Variants in MAGI1 observed in about 807,000 individuals in gnomAD.
The protein encoded by MAGI1 is membrane-associated guanylate kinase, WW and PDZ domain-containing protein 1.
In MAGI1, 58 loss-of-function variants were observed where a neutral mutation model predicts 139.9. That is an observed-to-expected ratio of 0.41 (90% CI 0.34 to 0.52). The LOEUF is 0.52. MAGI1 is among the 20% of genes least tolerant of loss of function. MAGI1 has a pLI of 0.12. For missense variants in MAGI1, 1,874 were observed against 1,901.6 expected (o/e 0.99, Z 0.27); for synonymous variants, 812 against 737.9 (o/e 1.10, Z -1.63).
chr3:65,453,845 C>A (rs1211045742), intron 5 of MAGI1, among the ~76,000 whole-genome samples: 2 of 152,152 alleles, frequency 1.3e-5, no homozygotes, highest in East Asian at 3.9e-4. Context: ...CAATACACAT[C>A]ATTAAATCAC....
intron 1 of MAGI1, among the ~76,000 whole-genome samples, chr3:65,668,410 A>G (rs866093725): frequency 1.3e-5 from 2 of 152,194 alleles, no homozygotes; most frequent in African/African-American, 4.8e-5. Context: ...ATTTATCAGC[A>G]TACCACATAA....
rs201000983 is a variant in MAGI1, at chr3:65,920,721, C to G, written c.313+117275G>C. Among the ~76,000 whole-genome samples, 14 of 152,180 alleles carry G rather than the reference C, an allele frequency of 9.2e-5. No individual in the cohort carries two copies. In the East Asian group the frequency reaches 1.7e-3, roughly 19 times the overall value. ...CCCCCATGGGTTTTAATTTATATGA[C>G]AACATTTACATTTGGTAAGAACAAA... On this transcript the variant is annotated intron_variant, in intron 1 of 22. Coordinates refer to ENST00000402939, the MANE Select transcript of MAGI1 (RefSeq NM_001033057.2).
At chr3:65,705,370 C>A (rs2030018900) in intron 1 of MAGI1, among the ~76,000 whole-genome samples, 1 of 152,152 alleles carries the variant, frequency 6.6e-6, no homozygotes. Flanking sequence ...TACAGAGTAT[C>A]TTAGTAAGCC....
chr3:65,517,634 A>G (rs1380670643), intron 2 of MAGI1, among the ~76,000 whole-genome samples: 5 of 152,196 alleles, frequency 3.3e-5, no homozygotes, highest in African/African-American at 9.7e-5. Context: ...CCCTGGCAGC[A>G]TAAGTTGGTT....
At chr3:65,871,676 G>C (rs1444496150) in intron 1 of MAGI1, among the ~76,000 whole-genome samples, 2 of 152,154 alleles carry the variant, frequency 1.3e-5, no homozygotes, top group African/African-American at 4.8e-5. Flanking sequence ...AATCAGGCTG[G>C]GGGACTTAAA....
intron 1 of MAGI1, among the ~76,000 whole-genome samples, chr3:65,932,046 A>G (rs901016532): frequency 1.3e-5 from 2 of 152,224 alleles, no homozygotes; most frequent in African/African-American, 2.4e-5. Flanking sequence ...AAACACATGG[A>G]AACAGGGGAA....
chr3:65,723,321 T>G lies in MAGI1; in HGVS notation c.314-101233A>C, dbSNP rs541450431. ...CCATAAGCTTATTGAAGAAAAGAGCTACATCACCAAGATGCTTCAATCCTG... is the reference window on the plus strand; with the variant it reads ...CCATAAGCTTATTGAAGAAAAGAGCGACATCACCAAGATGCTTCAATCCTG... On this transcript the variant is annotated intron_variant, in intron 1 of 22. Transcript: ENST00000402939. Among the ~76,000 whole-genome samples, 3 of 152,244 alleles carry G rather than the reference T, an allele frequency of 2.0e-5. No individual in the cohort carries two copies. In the South Asian group the frequency reaches 6.2e-4, roughly 32 times the overall value.
At chr3:65,578,188 A>G (rs892293769) in intron 2 of MAGI1, among the ~76,000 whole-genome samples, 1 of 152,094 alleles carries the variant, frequency 6.6e-6, no homozygotes, top group Non-Finnish European at 1.5e-5. Context: ...TGCTTTCCCT[A>G]AGCACCCATA....
chr3:65,463,600 G>A (rs1247329917), intron 5 of MAGI1, among the ~76,000 whole-genome samples: 1 of 140,286 alleles, frequency 7.1e-6, no homozygotes, highest in Non-Finnish European at 1.6e-5. Context: ...GTGTGTGTGT[G>A]TGTCTGCCAG....
chr3:65,936,972 A>ATGGTGG (rs1322277346), intron 1 of MAGI1, among the ~76,000 whole-genome samples: 197 of 149,940 alleles, frequency 1.3e-3, no homozygotes, highest in African/African-American at 4.7e-3. Flanking sequence ...GGTGGTGGTG[A>ATGGTGG]TGGTGGTGGT....
chr3:65,889,722 C>G (rs540805040), intron 1 of MAGI1, among the ~76,000 whole-genome samples: 63 of 152,092 alleles, frequency 4.1e-4, no homozygotes, highest in Non-Finnish European at 6.5e-4. Context: ...ATGTCAGTTA[C>G]CATCTATTGA....
intron 1 of MAGI1, among the ~76,000 whole-genome samples, chr3:65,985,423 G>A (rs1362423527): frequency 1.3e-5 from 2 of 152,032 alleles, no homozygotes; most frequent in African/African-American, 4.8e-5. Context: ...AGAATTAGTT[G>A]GTATACAGGC....
chr3:65,639,731 G>A lies in MAGI1; in HGVS notation c.314-17643C>T, dbSNP rs141103584. ...AAAGAATTACTTTCCAGCCAGGTGC[G>A]GTGGCTCAGGCCTGTAATCCCAGCA... On this transcript the variant is annotated intron_variant, in intron 1 of 22. Coordinates refer to ENST00000402939, the MANE Select transcript of MAGI1 (RefSeq NM_001033057.2). Among the ~76,000 whole-genome samples the A allele has an allele frequency of 3.7e-3, 566 of 152,194 alleles. 5 individuals are homozygous for A. Among genetic ancestry groups the A allele is most frequent in the African/African-American group, 0.013 (520 of 41,542 alleles).
chr3:65,514,208 G>A (rs1169488383), intron 2 of MAGI1, among the ~76,000 whole-genome samples: 3 of 150,852 alleles, frequency 2.0e-5, no homozygotes, highest in Admixed American at 6.6e-5. Flanking sequence ...AAAAACCCTA[G>A]AAGAAAACCT....
intron 1 of MAGI1, among the ~76,000 whole-genome samples, chr3:65,708,107 T>A (rs751264098): frequency 6.6e-6 from 1 of 152,014 alleles, no homozygotes; most frequent in East Asian, 1.9e-4. Flanking sequence ...CTTCCTGGAG[T>A]TGAAAAATAA....
intron 1 of MAGI1, among the ~76,000 whole-genome samples, chr3:65,869,530 A>C (rs1451099936): frequency 6.6e-6 from 1 of 151,370 alleles, no homozygotes; most frequent in East Asian, 2.0e-4. Flanking sequence ...CCTCCCGAGT[A>C]GCTGGGACTA....
intron 1 of MAGI1, among the ~76,000 whole-genome samples, chr3:66,014,378 C>A (rs563098252): frequency 8.3e-4 from 126 of 152,288 alleles, no homozygotes; most frequent in African/African-American, 2.7e-3. Flanking sequence ...TGGGATCATC[C>A]TATAGATGCT....
chr3:65,506,972 C>T lies in MAGI1; in HGVS notation c.431-13341G>A, dbSNP rs138516036. Among the ~76,000 whole-genome samples, 487 of 152,164 alleles carry T rather than the reference C, an allele frequency of 3.2e-3. 2 individuals carry two copies. The highest frequency in any genetic ancestry group is 0.011 in the African/African-American group (474 of 41,522). On this transcript the variant is annotated intron_variant, in intron 2 of 22. Coordinates refer to ENST00000402939, the MANE Select transcript of MAGI1 (RefSeq NM_001033057.2). Reference sequence around the variant, plus strand: ...TTCTGAAGCCTTCTCAAGTATACAGCGAAATAGTCACGAACATGTAAATTT... The same window carrying T: ...TTCTGAAGCCTTCTCAAGTATACAGTGAAATAGTCACGAACATGTAAATTT...
At chr3:65,406,745 C>T (rs1464905773) in intron 12 of MAGI1, among the ~76,000 whole-genome samples, 1 of 151,800 alleles carries the variant, frequency 6.6e-6, no homozygotes, top group Non-Finnish European at 1.5e-5. Context: ...GGGCAGGGAA[C>T]TGTGTGTGTG....
Sources: allele counts gnomAD v4.1 joint callset (sites outside exome capture counted in the v4.1 genomes callset), GRCh38; gene constraint gnomAD v4.1.1; transcripts MANE v1.5; gene names NCBI Gene and HGNC (gene_info 2026-07-23, HGNC 2026-07-21).